PRKN: variants seen among roughly 807,000 people sequenced by gnomAD.
The protein encoded by PRKN is E3 ubiquitin-protein ligase parkin.
PRKN carries 56 observed loss-of-function variants against 59.5 expected under a neutral mutation model. The ratio of observed to expected loss-of-function variants is 0.94; its 90% confidence interval spans 0.76 to 1.18. The LOEUF (loss-of-function observed/expected upper bound fraction) is 1.18. Ranked by LOEUF, PRKN falls within the 50% of genes most tolerant of loss-of-function variation. The pLI is 0.00. For missense variants in PRKN, 657 were observed against 596.4 expected (o/e 1.10, Z -1.06); for synonymous variants, 250 against 222.1 (o/e 1.13, Z -1.12).
intron 1 of PRKN, among the ~76,000 whole-genome samples, chr6:162,494,220 C>T (rs1181236301): frequency 6.6e-6 from 1 of 152,180 alleles, no homozygotes; most frequent in African/African-American, 2.4e-5. Context: ...CTGCAGCTTA[C>T]ACAGGCTGTT....
chr6:162,593,422 A>G lies in PRKN; in HGVS notation c.7+134240T>C, dbSNP rs551698640. ...TCTGGAAAACAATCTATCAATATCA[A>G]TAATGAAAGCCATTCCATCAAACTT... On this transcript the variant is annotated intron_variant, in intron 1 of 11. Coordinates refer to ENST00000366898, the MANE Select transcript of PRKN (RefSeq NM_004562.3). 5.9e-5 allele frequency among the ~76,000 whole-genome samples: 9 copies of G among 152,336 alleles called. No homozygotes were observed. The South Asian group carries it at 1.7e-3, about 28-fold the overall frequency.
In PRKN at chr6:161,471,737, T is replaced by A. The variant is rs1790801005; in HGVS notation, c.1083+77117A>T. Among the ~76,000 whole-genome samples, 1 of 152,294 alleles carries A rather than the reference T, an allele frequency of 6.6e-6. No individual in the cohort carries two copies. Among genetic ancestry groups the A allele is most frequent in the Middle Eastern group, 3.4e-3 (1 of 294 alleles). ...AAGAGTTTAAATCCCAGTACTAGAA[T>A]ATATGTAACAGCTATATTGGCTGTG... is the stretch of plus-strand genomic sequence containing the variant. On this transcript the variant is annotated intron_variant, in intron 9 of 11. Coordinates refer to ENST00000366898, the MANE Select transcript of PRKN (RefSeq NM_004562.3). The surrounding 1 kb of genome is among the most constrained non-coding windows in gnomAD (Gnocchi z 4.5).
chr6:161,386,503 T>G lies in PRKN; in HGVS notation c.1167+291A>C, dbSNP rs1239877593. 2.0e-5 allele frequency among the ~76,000 whole-genome samples: 3 copies of G among 152,228 alleles called. No homozygotes were observed. Among genetic ancestry groups the G allele is most frequent in the African/African-American group, 7.2e-5 (3 of 41,462 alleles). On this transcript the variant is annotated intron_variant, in intron 10 of 11. Transcript: ENST00000366898. The surrounding 1 kb of genome is among the most constrained non-coding windows in gnomAD (Gnocchi z 4.3). ...ATTTAGACACTGTTAAGTTGTTTTA[T>G]TTCCCCTCTAAGGACTCCTTTGAAA...
At chr6:162,015,917 TTGAC>T (rs1439184513) in intron 5 of PRKN, among the ~76,000 whole-genome samples, 1 of 152,148 alleles carries the variant, frequency 6.6e-6, no homozygotes, top group Non-Finnish European at 1.5e-5. Context: ...TTGTTGTAAA[TTGAC>T]TGAAGTTCAT....
At chr6:162,661,434 A>C (rs1778874879) in intron 1 of PRKN, among the ~76,000 whole-genome samples, 2 of 152,172 alleles carry the variant, frequency 1.3e-5, no homozygotes, top group Non-Finnish European at 2.9e-5. Context: ...AAAACTATAA[A>C]GACAAGTAGT....
intron 6 of PRKN, among the ~76,000 whole-genome samples, chr6:161,799,006 G>A (rs1308301913): frequency 6.6e-6 from 1 of 152,200 alleles, no homozygotes; most frequent in Non-Finnish European, 1.5e-5. Flanking sequence ...CTAGAGGCCA[G>A]AAAACTGGGA....
intron 1 of PRKN, among the ~76,000 whole-genome samples, chr6:162,499,751 G>A (rs1383768910): frequency 2.0e-5 from 3 of 152,168 alleles, no homozygotes; most frequent in Non-Finnish European, 4.4e-5. Flanking sequence ...GTCTCTAGCC[G>A]AGAGGAACAG....
At chr6:161,489,318 G>A (rs1583142851) in intron 9 of PRKN, among the ~76,000 whole-genome samples, 1 of 152,144 alleles carries the variant, frequency 6.6e-6, no homozygotes, top group East Asian at 1.9e-4. Context: ...CCAGCACTTT[G>A]GGAGGCCGAG....
intron 9 of PRKN, among the ~76,000 whole-genome samples, chr6:161,536,579 G>C (rs1045996652): frequency 2.0e-5 from 3 of 152,154 alleles, no homozygotes; most frequent in Admixed American, 6.5e-5. Flanking sequence ...CCAGGTGCTG[G>C]GGGTCATGCT....
At chr6:161,596,556 G>A (rs742771) in intron 7 of PRKN, among the ~76,000 whole-genome samples, 47,114 of 151,688 alleles carry the variant, frequency 0.31, 8,139 homozygotes, top group Middle Eastern at 0.46. Context: ...ATTCATGTCT[G>A]CCTTGCCTTT....
chr6:161,680,398 C>T (rs1485722404), intron 7 of PRKN, among the ~76,000 whole-genome samples: 3 of 151,980 alleles, frequency 2.0e-5, no homozygotes, highest in African/African-American at 7.3e-5. Flanking sequence ...TACGGGGCAG[C>T]GTGTGGTGGT....
chr6:162,461,305 C>T (rs1417827508), intron 1 of PRKN, among the ~76,000 whole-genome samples: 13 of 149,338 alleles, frequency 8.7e-5, no homozygotes, highest in South Asian at 6.3e-4. Context: ...AGTTGGAGAC[C>T]AGTCTGGCCA....
chr6:162,176,317 T>C (rs1453975312), intron 4 of PRKN, among the ~76,000 whole-genome samples: 2 of 152,158 alleles, frequency 1.3e-5, no homozygotes, highest in East Asian at 3.9e-4. Context: ...TTAAGTTGGT[T>C]GAGGCTAGGC....
At chr6:162,013,450 T>C (rs1782814162) in intron 5 of PRKN, among the ~76,000 whole-genome samples, 1 of 151,700 alleles carries the variant, frequency 6.6e-6, no homozygotes. Flanking sequence ...AGCCCTAGTA[T>C]TTTTAGTGGA....
Position 162,556,342 on chromosome 6 carries a change from GGTGT to G in PRKN, c.8-112873_8-112870del, listed in dbSNP as rs202002846. Reference sequence around the variant, plus strand: ...GAAACCAAGCAGTAACTACTCAGCTGGTGTGTGTGTGTGTGTGTGTGTGTGTGTG... The same window carrying G: ...GAAACCAAGCAGTAACTACTCAGCTGGTGTGTGTGTGTGTGTGTGTGTGTG... On this transcript the variant is annotated intron_variant, in intron 1 of 11. Transcript: ENST00000366898. Among the ~76,000 whole-genome samples the G allele has an allele frequency of 9.0e-3, 512 of 57,192 alleles. 4 individuals carry two copies. Among genetic ancestry groups the G allele is most frequent in the African/African-American group, 0.018 (250 of 13,848 alleles). The allele number at this position is 57,192 out of a possible 152,430, so 37.5% of individuals were successfully genotyped here. A position where few individuals can be genotyped will look rare whatever the true frequency, so the allele number is the denominator to read the frequency against.
chr6:162,642,004 C>T (rs1422961029), intron 1 of PRKN, among the ~76,000 whole-genome samples: 5 of 152,202 alleles, frequency 3.3e-5, no homozygotes, highest in Non-Finnish European at 7.3e-5. Flanking sequence ...TACACTAATA[C>T]TTTTCTTTGG....
chr6:161,969,968 A>G (rs553200870), intron 6 of PRKN, among the ~76,000 whole-genome samples: 1 of 152,332 alleles, frequency 6.6e-6, no homozygotes, highest in African/African-American at 2.4e-5. Flanking sequence ...CTACAACAGC[A>G]TATCCCCACA....
chr6:162,440,316 C>A (rs1014634190), intron 2 of PRKN, among the ~76,000 whole-genome samples: 1 of 151,940 alleles, frequency 6.6e-6, no homozygotes, highest in African/African-American at 2.4e-5. Flanking sequence ...TTACAAATAC[C>A]CTTTGCCAGT....
chr6:162,310,599 G>A (rs1196569358), intron 2 of PRKN, among the ~76,000 whole-genome samples: 2 of 151,994 alleles, frequency 1.3e-5, no homozygotes, highest in African/African-American at 2.4e-5. Context: ...TAATTGTGGG[G>A]TGGGGGGAGC....
Sources: allele counts gnomAD v4.1 joint callset (sites outside exome capture counted in the v4.1 genomes callset), GRCh38; gene constraint gnomAD v4.1.1; non-coding constraint Gnocchi (gnomAD v3.1); transcripts MANE v1.5; gene names NCBI Gene and HGNC (gene_info 2026-07-23, HGNC 2026-07-21).